PI4K2B: variants seen among roughly 807,000 people sequenced by gnomAD.
PI4K2B encodes phosphatidylinositol 4-kinase type 2-beta.
PI4K2B carries 46 observed loss-of-function variants against 56.6 expected under a neutral mutation model. The ratio of observed to expected loss-of-function variants is 0.81; its 90% CI spans 0.64 to 1.04. PI4K2B has a LOEUF of 1.04. Among genes scored for constraint, PI4K2B ranks in the 50% least tolerant of loss-of-function variants. PI4K2B has a pLI of 0.00. For synonymous variants in PI4K2B, 211 were observed against 223.8 expected, an observed-to-expected ratio of 0.94 and a Z score of 0.51; for missense variants, 556 against 607.7, an observed-to-expected ratio of 0.91 and a Z score of 0.89.
At chr4:25,250,240 G>C (rs1038070518) in intron 1 of PI4K2B, among the ~76,000 whole-genome samples, 1 of 152,100 alleles carries the variant, frequency 6.6e-6, no homozygotes, top group Non-Finnish European at 1.5e-5. Context: ...AGGGGAGAGG[G>C]AGAGGGAGAA....
intron 8 of PI4K2B, among the ~76,000 whole-genome samples, chr4:25,268,835 A>T (rs1382378355): frequency 6.6e-6 from 1 of 152,070 alleles, no homozygotes; most frequent in African/African-American, 2.4e-5. Context: ...TTACAAGAAG[A>T]CTCTATAAAT....
At chr4:25,252,795 G>A (rs1210641279) in intron 2 of PI4K2B, among the ~76,000 whole-genome samples, 5 of 152,060 alleles carry the variant, frequency 3.3e-5, no homozygotes, top group Admixed American at 1.3e-4. Flanking sequence ...GTAATTATTT[G>A]TAGAGACGGT....
intron 1 of PI4K2B, among the ~76,000 whole-genome samples, chr4:25,241,626 A>T (rs1444850706): frequency 6.6e-6 from 1 of 152,196 alleles, no homozygotes; most frequent in African/African-American, 2.4e-5. Flanking sequence ...CATCATGAGT[A>T]GTCCAGACAG....
intron 1 of PI4K2B, among the ~76,000 whole-genome samples, chr4:25,243,092 A>C (rs976679578): frequency 4.6e-5 from 7 of 152,346 alleles, no homozygotes; most frequent in African/African-American, 1.4e-4. Context: ...CGTCCAGGAC[A>C]GGAGATTAAC....
At chr4:25,253,118 G>A (rs1356082735) in intron 2 of PI4K2B, among the ~76,000 whole-genome samples, 4 of 152,154 alleles carry the variant, frequency 2.6e-5, no homozygotes, top group African/African-American at 4.8e-5. Flanking sequence ...ACGGTGGAAG[G>A]TTAAACCTTC....
chr4:25,270,873 C>A (rs1219268302), intron 9 of PI4K2B, among the ~76,000 whole-genome samples: 5 of 152,156 alleles, frequency 3.3e-5, no homozygotes, highest in East Asian at 1.9e-4. Flanking sequence ...CTAAAATATA[C>A]ATTTAAGGTA....
chr4:25,272,847 A>G (rs1716951065), intron 9 of PI4K2B, among the ~76,000 whole-genome samples: 1 of 152,086 alleles, frequency 6.6e-6, no homozygotes, highest in Admixed American at 6.5e-5. Flanking sequence ...TGGGCAACAG[A>G]GAAAGACCTT....
rs570887062 is a variant in PI4K2B, at chr4:25,238,553, G to A, written c.268+4122G>A. Among the ~76,000 whole-genome samples, 114 of 152,110 alleles carry A rather than the reference G, an allele frequency of 7.5e-4. 2 individuals carry two copies. In the South Asian group the frequency reaches 0.022, roughly 29 times the overall value. On this transcript the variant is annotated intron_variant, in intron 1 of 9. Coordinates refer to ENST00000264864, the MANE Select transcript of PI4K2B (RefSeq NM_018323.4). ...TCGGAGTTTGTTCCTTCTGATGTTC[G>A]GATGTGTTCGGAGTTTCTTCCTTCT...
At chr4:25,273,214 A>G (rs1055319268) in intron 9 of PI4K2B, among the ~76,000 whole-genome samples, 2 of 152,226 alleles carry the variant, frequency 1.3e-5, no homozygotes, top group African/African-American at 4.8e-5. Flanking sequence ...TTAAATAGCA[A>G]TAGGTCATAA....
At chr4:25,264,983 G>C (rs562528212) in intron 7 of PI4K2B, among the ~76,000 whole-genome samples, 25 of 151,496 alleles carry the variant, frequency 1.7e-4, no homozygotes, top group African/African-American at 5.1e-4. Context: ...ATTACCTGAG[G>C]TCAGGAGTTT....
At chr4:25,250,993 G>A (rs1399106283) in intron 1 of PI4K2B, among the ~76,000 whole-genome samples, 1 of 131,260 alleles carries the variant, frequency 7.6e-6, no homozygotes, top group Non-Finnish European at 1.7e-5. Context: ...GGGAAACGTA[G>A]GGATGAAGCC....
chr4:25,260,111 G>A (rs1002502985), intron 5 of PI4K2B, among the ~76,000 whole-genome samples: 10 of 152,122 alleles, frequency 6.6e-5, no homozygotes, highest in African/African-American at 2.4e-4. Flanking sequence ...ACATATATAT[G>A]TTTATAGTCT....
intron 9 of PI4K2B, among the ~76,000 whole-genome samples, chr4:25,273,520 A>G (rs6854657): frequency 0.015 from 2,248 of 152,284 alleles, 27 homozygotes; most frequent in Non-Finnish European, 0.023. Flanking sequence ...TTTATCCTCA[A>G]AACACCTCCA....
chr4:25,252,654 CCAGGCTGGAGTG>C (rs2109096949), intron 2 of PI4K2B, among the ~76,000 whole-genome samples, 179 bp downstream of exon 2: 1 of 152,144 alleles, frequency 6.6e-6, no homozygotes, highest in South Asian at 2.1e-4. Flanking sequence ...CCTCTCTTAC[CCAGGCTGGAGTG>C]CAGTGGTGCA....
intron 7 of PI4K2B, among the ~76,000 whole-genome samples, chr4:25,265,380 T>C (rs992083629): frequency 6.6e-6 from 1 of 152,120 alleles, no homozygotes; most frequent in Non-Finnish European, 1.5e-5. Context: ...TTTTATTTTA[T>C]AGATCAGGCT....
Position 25,251,275 on chromosome 4 carries a change from T to C in PI4K2B, c.269-1046T>C, listed in dbSNP as rs556297489. ...GATTGCTGCTTATTTCTTAATGAAA[T>C]AGGAAGCTAGATCCTCTCCTGAGAG... is the stretch of plus-strand genomic sequence containing the variant. On this transcript the variant is annotated intron_variant, in intron 1 of 9. Coordinates refer to ENST00000264864, the MANE Select transcript of PI4K2B (RefSeq NM_018323.4). Among the ~76,000 whole-genome samples, 3 of 152,168 alleles carry C rather than the reference T, an allele frequency of 2.0e-5. No homozygotes were observed. In the South Asian group the frequency reaches 6.2e-4, roughly 32 times the overall value.
At position 25,259,132 on chromosome 4, in the gene PI4K2B, A is replaced by G. The variant is rs115610773; in HGVS notation, c.852A>G (p.Lys284=). Residue 284 remains lysine, a synonymous_variant, in exon 5 of 10, where the codon AAA becomes AAG. Coordinates refer to ENST00000264864, the MANE Select transcript of PI4K2B (RefSeq NM_018323.4). ...ACCCTTTGCCTGAGAATATTAGAAA[A>G]CAATTTCAGTCACAATTTGAAAGAT... The part of the protein sequence containing the change: ...EADPLPENIR[K]QFQSQFERLV... The G allele has an allele frequency of 2.5e-4, 400 of 1,583,442 alleles. 1 individual carries two copies. In the African/African-American group the frequency reaches 4.5e-3, roughly 18 times the overall value.
At chr4:25,265,040 A>G (rs1716613126) in intron 7 of PI4K2B, among the ~76,000 whole-genome samples, 1 of 151,886 alleles carries the variant, frequency 6.6e-6, no homozygotes, top group South Asian at 2.1e-4. Context: ...TACTAAAAAT[A>G]CAAAATTAGC....
At chr4:25,241,846 C>T (rs566683765) in intron 1 of PI4K2B, among the ~76,000 whole-genome samples, 2 of 152,268 alleles carry the variant, frequency 1.3e-5, no homozygotes, top group African/African-American at 2.4e-5. Flanking sequence ...GAAGTTTTGT[C>T]CTGTGGGAAG....
Sources: allele counts gnomAD v4.1 joint callset (sites outside exome capture counted in the v4.1 genomes callset), GRCh38; gene constraint gnomAD v4.1.1; transcripts MANE v1.5; gene names NCBI Gene and HGNC (gene_info 2026-07-23, HGNC 2026-07-21).